Variants in CSMD1 observed in about 807,000 individuals in gnomAD.
CSMD1 encodes CUB and sushi domain-containing protein 1.
Under a neutral mutation model 417.5 loss-of-function variants are expected in CSMD1, and 213 were observed. The ratio of observed to expected loss-of-function variants is 0.51; its 90% CI spans 0.46 to 0.57. The LOEUF is 0.57. CSMD1 is among the 20% of genes least tolerant of loss of function. The pLI is 0.00. For synonymous variants in CSMD1, 2,862 were observed against 1,736.8 expected (o/e 1.65, Z -16.11); for missense variants, 6,923 against 4,529.7 (o/e 1.53, Z -15.17).
Position 4,928,490 on chromosome 8 carries a change from T to G in CSMD1, c.85+65842A>C, listed in dbSNP as rs138078543. ...CAGAGATATTTATGAAATAATTATG[T>G]GAGCCTGAGCAAGTTACTGGCCCTC... On this transcript the variant is annotated intron_variant, in intron 1 of 69. Transcript: ENST00000635120. Among the ~76,000 whole-genome samples the G allele has an allele frequency of 4.7e-3, 711 of 152,334 alleles. 6 individuals are homozygous for G. The highest frequency in any genetic ancestry group is 0.025 in the East Asian group (131 of 5,178).
At chr8:4,131,210 A>G (rs761286507) in intron 3 of CSMD1, among the ~76,000 whole-genome samples, 5 of 152,210 alleles carry the variant, frequency 3.3e-5, no homozygotes, top group South Asian at 4.1e-4. Flanking sequence ...TAGAGACGCC[A>G]TTTCTATAAG....
intron 11 of CSMD1, among the ~76,000 whole-genome samples, chr8:3,483,892 A>G (rs1057048854): frequency 2.0e-5 from 3 of 152,202 alleles, no homozygotes; most frequent in Admixed American, 1.3e-4. Flanking sequence ...AAAGAACATG[A>G]TATATCAGCT....
chr8:3,084,720 A>C (rs1814398837), intron 49 of CSMD1, among the ~76,000 whole-genome samples: 1 of 151,998 alleles, frequency 6.6e-6, no homozygotes. Context: ...TTGCCAATAT[A>C]TGTTGTACAA....
intron 2 of CSMD1, among the ~76,000 whole-genome samples, chr8:4,433,727 A>C (rs1797996793): frequency 6.6e-6 from 1 of 152,328 alleles, no homozygotes. Flanking sequence ...CTTTTGATTG[A>C]AAAATAACAT....
chr8:3,666,352 G>A (rs532718891), intron 7 of CSMD1, among the ~76,000 whole-genome samples: 6 of 152,254 alleles, frequency 3.9e-5, no homozygotes, highest in East Asian at 1.9e-4. Flanking sequence ...ACGCCTGTCC[G>A]TTTAAAATGA....
At chr8:4,378,236 A>C (rs1438208) in intron 3 of CSMD1, among the ~76,000 whole-genome samples, 124,634 of 152,216 alleles carry the variant, frequency 0.82, 51,365 homozygotes, top group African/African-American at 0.9. Flanking sequence ...ATTTCCTTAA[A>C]ATTACTTTTC....
chr8:4,683,981 T>C (rs767329131), intron 1 of CSMD1, among the ~76,000 whole-genome samples: 1 of 152,174 alleles, frequency 6.6e-6, no homozygotes, highest in Non-Finnish European at 1.5e-5. Context: ...TCTGAGAAAA[T>C]ATTCAGTATC....
At chr8:3,738,732 A>T (rs1205140609) in intron 6 of CSMD1, among the ~76,000 whole-genome samples, 3 of 152,188 alleles carry the variant, frequency 2.0e-5, no homozygotes, top group Non-Finnish European at 4.4e-5. Context: ...ACCAACCCTA[A>T]TTTCAAAGAC....
intron 1 of CSMD1, among the ~76,000 whole-genome samples, chr8:4,784,929 A>T (rs1400721135): frequency 1.3e-5 from 2 of 152,068 alleles, no homozygotes; most frequent in South Asian, 4.1e-4. Context: ...TTATGTTTGT[A>T]AAGATGACTA....
At chr8:3,643,096 C>G (rs1387148795) in intron 7 of CSMD1, among the ~76,000 whole-genome samples, 1 of 151,948 alleles carries the variant, frequency 6.6e-6, no homozygotes, top group South Asian at 2.1e-4. Flanking sequence ...GACAGGCATG[C>G]AGCTTGTCAG....
chr8:3,016,617 G>T (rs543103375), intron 52 of CSMD1, among the ~76,000 whole-genome samples: 1 of 152,286 alleles, frequency 6.6e-6, no homozygotes, highest in South Asian at 2.1e-4. Flanking sequence ...ATGTACATAT[G>T]TATGTGTCAT....
intron 2 of CSMD1, among the ~76,000 whole-genome samples, chr8:4,436,284 T>C (rs6990173): frequency 0.18 from 26,745 of 152,128 alleles, 2,504 homozygotes; most frequent in East Asian, 0.29. Context: ...CCTTGTATTG[T>C]GGTGTTTTTT....
intron 5 of CSMD1, among the ~76,000 whole-genome samples, chr8:3,835,656 A>G (rs1185214916): frequency 6.6e-6 from 1 of 151,890 alleles, no homozygotes; most frequent in Non-Finnish European, 1.5e-5. Context: ...GCACATGTAT[A>G]CATATGTAAC....
chr8:3,825,364 T>C (rs1166277784), intron 5 of CSMD1, among the ~76,000 whole-genome samples: 1 of 152,104 alleles, frequency 6.6e-6, no homozygotes, highest in Non-Finnish European at 1.5e-5. Flanking sequence ...ACCTTGTCTG[T>C]AGTAAAAATA....
Position 4,354,898 on chromosome 8 carries a change from G to C in CSMD1, c.415+65055C>G, listed in dbSNP as rs185056021. 4.8e-4 allele frequency among the ~76,000 whole-genome samples: 71 copies of C among 149,076 alleles called. 1 individual carries two copies. Among genetic ancestry groups the C allele is most frequent in the East Asian group, 1.8e-3 (9 of 5,078 alleles). Reference sequence around the variant, plus strand: ...TGTGTGTGTGTGTGTGTGTGTGTGTGTGTGTGTGTGTTAAATATTTGAGTA... The same window carrying C: ...TGTGTGTGTGTGTGTGTGTGTGTGTCTGTGTGTGTGTTAAATATTTGAGTA... On this transcript the variant is annotated intron_variant, in intron 3 of 69. Transcript: ENST00000635120.
At chr8:3,884,981 A>G (rs1402410912) in intron 5 of CSMD1, among the ~76,000 whole-genome samples, 1 of 151,122 alleles carries the variant, frequency 6.6e-6, no homozygotes, top group Non-Finnish European at 1.5e-5. Context: ...TCATTCATAT[A>G]TATATATATG....
Position 4,993,213 on chromosome 8 carries a change from G to A in CSMD1, c.85+1119C>T, listed in dbSNP as rs190332715. ...AGCAAGTGACCATTGAAAAAAAATC[G>A]TAAGATTGGACTCCAACCTTTAAAA... On this transcript the variant is annotated intron_variant, in intron 1 of 69. Transcript: ENST00000635120. 7.3e-4 allele frequency among the ~76,000 whole-genome samples: 111 copies of A among 152,258 alleles called. No individual in the cohort carries two copies. The Middle Eastern group carries it at 0.02, about 28-fold the overall frequency.
chr8:4,511,375 G>C (rs1179446571), intron 2 of CSMD1, among the ~76,000 whole-genome samples: 2 of 152,174 alleles, frequency 1.3e-5, no homozygotes, highest in Admixed American at 6.5e-5. Context: ...CTTCGCAGGA[G>C]AATACAAATC....
chr8:4,298,792 T>C (rs1446633515), intron 3 of CSMD1, among the ~76,000 whole-genome samples: 3 of 152,070 alleles, frequency 2.0e-5, no homozygotes, highest in Non-Finnish European at 4.4e-5. Context: ...TTTTGAAGAA[T>C]GTGTTTGTAA....
Sources: gnomAD v4.1 joint callset for allele counts (sites outside exome capture counted in the v4.1 genomes callset) on GRCh38, gnomAD v4.1.1 for gene constraint, MANE v1.5 for transcripts, NCBI Gene and HGNC (gene_info 2026-07-23, HGNC 2026-07-21) for gene names.